Variants in DCP1A observed in about 807,000 individuals in gnomAD.
DCP1A encodes the protein decapping mRNA 1A.
A neutral mutation model predicts 58.0 loss-of-function variants in DCP1A; 20 were observed. That is an observed-to-expected ratio of 0.34 (90% CI 0.24 to 0.50). DCP1A has a LOEUF of 0.50. Ranked by LOEUF, DCP1A falls within the 20% of genes least tolerant of loss-of-function variation. The pLI, the probability that DCP1A is intolerant of heterozygous loss-of-function variation, is 0.98. For synonymous variants in DCP1A, 285 were observed against 275.1 expected (o/e 1.04, Z -0.36); for missense variants, 613 against 712.2 (o/e 0.86, Z 1.59).
At chr3:53,318,447 AG>A in intron 4 of DCP1A, among the ~76,000 whole-genome samples, 1 of 152,294 alleles carries the variant, frequency 6.6e-6, no homozygotes, top group Admixed American at 6.5e-5. Flanking sequence ...GGGATGGTGG[AG>A]GGGGGAGAGA....
intron 1 of DCP1A, among the ~76,000 whole-genome samples, chr3:53,346,694 G>C (rs145637543): frequency 6.6e-6 from 1 of 152,254 alleles, no homozygotes; most frequent in South Asian, 2.1e-4. Flanking sequence ...AGTCCGAGGG[G>C]AGCATTCAGA....
At chr3:53,336,579 T>C (rs1427869023) in intron 3 of DCP1A, among the ~76,000 whole-genome samples, 1 of 152,224 alleles carries the variant, frequency 6.6e-6, no homozygotes, top group Non-Finnish European at 1.5e-5. Context: ...TTTCCTTGTA[T>C]ATTTAGTAAT....
At chr3:53,320,200 T>C (rs1203850395) in intron 3 of DCP1A, among the ~76,000 whole-genome samples, 1 of 152,086 alleles carries the variant, frequency 6.6e-6, no homozygotes, top group Non-Finnish European at 1.5e-5. Context: ...ATATCCATCC[T>C]ATGACTGACT....
Position 53,304,157 on chromosome 3 carries a change from A to G in DCP1A, c.624+20T>C. 6.5e-7 allele frequency: 1 copy of G among 1,538,902 alleles called. No homozygotes were observed. ...ACTCTTTGTTACTTAGGACAAAGCT[A>G]GAGCTTTAGCTGTACAAACCTTATC... is the stretch of plus-strand genomic sequence containing the variant. On this transcript the variant is annotated intron_variant, in intron 6 of 9. Coordinates refer to ENST00000610213, the MANE Select transcript of DCP1A (RefSeq NM_018403.7).
At chr3:53,309,080 A>T (rs1031455364) in intron 5 of DCP1A, among the ~76,000 whole-genome samples, 2 of 152,218 alleles carry the variant, frequency 1.3e-5, no homozygotes, top group African/African-American at 4.8e-5. Flanking sequence ...ATAAAAAATA[A>T]GAAAGTTGAG....
intron 3 of DCP1A, among the ~76,000 whole-genome samples, chr3:53,330,838 T>C (rs2088985698): frequency 6.7e-6 from 1 of 149,452 alleles, no homozygotes; most frequent in Admixed American, 6.8e-5. Context: ...TTTTTTTTTT[T>C]TGAGATGGAG....
intron 6 of DCP1A, among the ~76,000 whole-genome samples, chr3:53,302,510 C>G (rs1022801303): frequency 2.6e-5 from 4 of 152,064 alleles, no homozygotes; most frequent in African/African-American, 4.8e-5. Context: ...TTTTGGTGGG[C>G]AGGAGACAGA....
Position 53,304,192 on chromosome 3 carries a change from G to A in DCP1A, c.609C>T (p.Ser203=), listed in dbSNP as rs551226567. The A allele has an allele frequency of 3.5e-5, 57 of 1,612,848 alleles. No individual in the cohort carries two copies. Among genetic ancestry groups the A allele is most frequent in the South Asian group, 6.6e-5 (6 of 91,046 alleles). Residue 203 remains serine (S), a synonymous_variant, in exon 6 of 10, where the codon TCC becomes TCT. Coordinates refer to ENST00000610213, the MANE Select transcript of DCP1A (RefSeq NM_018403.7). ...CTGTACAAACCTTATCCTGTGACCC[G>A]GAGGGCATTTCTTCTAGAGTCTCGG... ...GSTETLEEMP[S]GSQDKSAPSG...
At chr3:53,329,798 G>T (rs1451185540) in intron 3 of DCP1A, among the ~76,000 whole-genome samples, 1 of 152,200 alleles carries the variant, frequency 6.6e-6, no homozygotes, top group Non-Finnish European at 1.5e-5. Flanking sequence ...CATTAAGTGG[G>T]AGATACATGC....
chr3:53,294,350 T>C (rs1553686564), intron 6 of DCP1A, among the ~76,000 whole-genome samples: 1 of 151,974 alleles, frequency 6.6e-6, no homozygotes, highest in Non-Finnish European at 1.5e-5. Context: ...GCTGGTCAGG[T>C]AGGAGCAGGG....
At chr3:53,309,906 T>C (rs2358619) in intron 5 of DCP1A, among the ~76,000 whole-genome samples, 107,544 of 152,170 alleles carry the variant, frequency 0.71, 38,635 homozygotes, top group Non-Finnish European at 0.77. Context: ...CTGCCCTTGA[T>C]TGCCAATCTT....
chr3:53,316,467 T>TG (rs1553689256), intron 4 of DCP1A, among the ~76,000 whole-genome samples: 1 of 152,150 alleles, frequency 6.6e-6, no homozygotes, highest in African/African-American at 2.4e-5. Flanking sequence ...CTCACTATGT[T>TG]GCCCAGATTG....
Position 53,342,288 on chromosome 3 carries a change from G to GAA in DCP1A, c.177-19_177-18dup. ...GAAGCTGACCTTAGATTTAATAGAA[G>GAA]AAAAAAAAATATGTAGTTACCATTT... is the stretch of plus-strand genomic sequence containing the variant. On this transcript the variant is annotated splice_polypyrimidine_tract_variant and intron_variant, in intron 2 of 9. Coordinates refer to ENST00000610213, the MANE Select transcript of DCP1A (RefSeq NM_018403.7). 2.6e-6 allele frequency: 4 copies of GAA among 1,520,892 alleles called. No homozygotes were observed. Among genetic ancestry groups the GAA allele is most frequent in the Non-Finnish European group, 3.6e-6 (4 of 1,121,944 alleles). 94.2% of individuals were successfully genotyped at this position (1,520,892 alleles called of 1,614,324 possible).
intron 3 of DCP1A, among the ~76,000 whole-genome samples, chr3:53,337,847 A>C (rs565978758): frequency 6.6e-6 from 1 of 152,338 alleles, no homozygotes; most frequent in Admixed American, 6.5e-5. Flanking sequence ...TGTAAATTCT[A>C]ATATATTAAA....
Position 53,292,363 on chromosome 3 carries a change from T to C in DCP1A, c.1089A>G (p.Leu363=). 1.2e-6 allele frequency: 2 copies of C among 1,613,200 alleles called. No individual in the cohort carries two copies. The highest frequency in any genetic ancestry group is 1.7e-6 in the Non-Finnish European group (2 of 1,179,304). Residue 363 remains leucine (L), a synonymous_variant, in exon 7 of 10, where the codon CTA becomes CTG. Transcript: ENST00000610213. ...SPLLNQPVPE[L]SHASLIANQS... ...GGTTGGCAATCAGACTGGCATGGCT[T>C]AGCTCAGGGACTGGCTGGTTCAGGA...
intron 3 of DCP1A, among the ~76,000 whole-genome samples, chr3:53,322,700 G>A (rs757793114): frequency 2.6e-5 from 4 of 151,918 alleles, no homozygotes; most frequent in African/African-American, 4.8e-5. Flanking sequence ...TATGGAGCCC[G>A]TGTATGGCCA....
intron 4 of DCP1A, among the ~76,000 whole-genome samples, chr3:53,313,572 C>G (rs79828118): frequency 1.3e-5 from 2 of 152,006 alleles, no homozygotes; most frequent in Non-Finnish European, 2.9e-5. Context: ...CTATATTTTT[C>G]TTCAAGCTTT....
chr3:53,320,702 C>G (rs1298656546), intron 3 of DCP1A, among the ~76,000 whole-genome samples: 1 of 152,160 alleles, frequency 6.6e-6, no homozygotes, highest in African/African-American at 2.4e-5. Context: ...ATACTGACAT[C>G]AGTCGAGATA....
chr3:53,302,170 T>C (rs572140181), intron 6 of DCP1A, among the ~76,000 whole-genome samples: 1 of 152,306 alleles, frequency 6.6e-6, no homozygotes, highest in East Asian at 1.9e-4. Context: ...TGTGTTAATA[T>C]CCTGGTTGTC....
Sources: gnomAD v4.1 joint callset for allele counts (sites outside exome capture counted in the v4.1 genomes callset) on GRCh38, gnomAD v4.1.1 for gene constraint, MANE v1.5 for transcripts, NCBI Gene and HGNC (gene_info 2026-07-23, HGNC 2026-07-21) for gene names.